The following PAK1 variants were observed in gnomAD, a reference collection of about 807,000 sequenced individuals.
PAK1 encodes the protein p21 (RAC1) activated kinase 1.
PAK1 carries 29 observed loss-of-function variants against 67.4 expected under a neutral mutation model. The ratio of observed to expected loss-of-function variants is 0.43; its 90% CI spans 0.32 to 0.59. PAK1 has a LOEUF of 0.59. Ranked by LOEUF, PAK1 falls within the 20% of genes least tolerant of loss-of-function variation. The pLI is 0.07. For synonymous variants in PAK1, 223 were observed against 237.4 expected, an observed-to-expected ratio of 0.94 and a Z score of 0.56; for missense variants, 337 against 670.7, an observed-to-expected ratio of 0.50 and a Z score of 5.50.
At chr11:77,475,407 T>A (rs758535927), upstream of PAK1, 1 of 152,194 alleles carries the variant, frequency 6.6e-6, no homozygotes, top group African/African-American at 2.4e-5. Flanking sequence ...AAAGCACAAA[T>A]CTGATGATGT....
At chr11:77,450,651 A>G (rs11237189) in intron 1 of PAK1, among the ~76,000 whole-genome samples, 37,048 of 152,188 alleles carry the variant, frequency 0.24, 5,587 homozygotes, top group South Asian at 0.45. Flanking sequence ...ATACATTGGC[A>G]TATCTACTGT....
At chr11:77,470,872 T>G (rs1371892021) in intron 1 of PAK1, among the ~76,000 whole-genome samples, 1 of 152,106 alleles carries the variant, frequency 6.6e-6, no homozygotes, top group Non-Finnish European at 1.5e-5. Context: ...AACAAAAGAC[T>G]AGGCTAAAAA....
chr11:77,528,787 T>C, the PAK1 span, among the ~76,000 whole-genome samples: 7 of 152,344 alleles, frequency 4.6e-5, no homozygotes, highest in Admixed American at 3.3e-4. Context: ...CCTTATGGTG[T>C]CAATTTGCAT....
chr11:77,340,013 G>C (rs543410692), intron 11 of PAK1, among the ~76,000 whole-genome samples: 39 of 152,260 alleles, frequency 2.6e-4, no homozygotes, highest in African/African-American at 8.7e-4. Flanking sequence ...GCTTTCTGGA[G>C]GGCTTTTCTT....
chr11:77,443,286 A>G (rs1055350642), intron 1 of PAK1, among the ~76,000 whole-genome samples: 10 of 150,922 alleles, frequency 6.6e-5, no homozygotes, highest in Non-Finnish European at 1.2e-4. Context: ...GCCTGGCAAC[A>G]GAGTGAGACT....
chr11:77,449,260 G>C (rs887653493), intron 1 of PAK1, among the ~76,000 whole-genome samples: 6 of 152,118 alleles, frequency 3.9e-5, no homozygotes, highest in African/African-American at 9.7e-5. Context: ...GGGAACACTA[G>C]CCCACACAGA....
intron 1 of PAK1, among the ~76,000 whole-genome samples, chr11:77,451,981 A>G (rs933475673): frequency 6.6e-6 from 1 of 152,200 alleles, no homozygotes; most frequent in African/African-American, 2.4e-5. Context: ...CTACATTTAT[A>G]TATATTAATG....
At chr11:77,489,748 G>A in the PAK1 span, among the ~76,000 whole-genome samples, 1 of 151,556 alleles carries the variant, frequency 6.6e-6, no homozygotes. Flanking sequence ...CGTTCACTCA[G>A]TGCTCAATGG....
intron 5 of PAK1, 151 bp from the exon 6 acceptor site, chr11:77,359,168 T>A (rs1485326757): frequency 4.5e-6 from 3 of 673,766 alleles, no homozygotes; most frequent in Admixed American, 2.8e-5. Context: ...GTAGCTAGTC[T>A]CAGAAGCTCA....
At chr11:77,480,409 T>A in the PAK1 span, among the ~76,000 whole-genome samples, 1 of 152,176 alleles carries the variant, frequency 6.6e-6, no homozygotes, top group African/African-American at 2.4e-5. Context: ...ATTTTCTGTA[T>A]TTTATTATTT....
At chr11:77,512,960 G>A in the PAK1 span, among the ~76,000 whole-genome samples, 1 of 152,098 alleles carries the variant, frequency 6.6e-6, no homozygotes, top group Non-Finnish European at 1.5e-5. Flanking sequence ...TGGACGTGGT[G>A]GCACACACCT....
intron 3 of PAK1, 25 bp from the exon 4 acceptor site, chr11:77,379,413 A>T: frequency 1.2e-6 from 2 of 1,600,608 alleles, no homozygotes; most frequent in Non-Finnish European, 8.5e-7. Flanking sequence ...TGCAAGACTA[A>T]CAGGAAGGCA....
chr11:77,337,281 C>A (rs186177227), intron 12 of PAK1, 43 bp downstream of exon 12: 24 of 1,006,068 alleles, frequency 2.4e-5, no homozygotes, highest in Non-Finnish European at 3.4e-5. Flanking sequence ...AGACAGGGCC[C>A]CACAGGCAGA....
At chr11:77,341,777 C>A (rs1356594674) in intron 10 of PAK1, among the ~76,000 whole-genome samples, 1 of 152,170 alleles carries the variant, frequency 6.6e-6, no homozygotes, top group East Asian at 1.9e-4. Flanking sequence ...GGGAATACTG[C>A]TGGACAGATG....
At chr11:77,520,630 C>G in the PAK1 span, among the ~76,000 whole-genome samples, 2 of 152,034 alleles carry the variant, frequency 1.3e-5, no homozygotes, top group Admixed American at 1.3e-4. Context: ...GAGGATGCAT[C>G]CGAGAGGAGT....
At chr11:77,422,548 C>T (rs1955324121) in intron 1 of PAK1, among the ~76,000 whole-genome samples, 2 of 119,530 alleles carry the variant, frequency 1.7e-5, no homozygotes, top group Middle Eastern at 3.3e-3. Context: ...GAGGGAGACA[C>T]CGTCTCAAAA....
chr11:77,501,021 G>A, the PAK1 span, among the ~76,000 whole-genome samples: 8 of 151,370 alleles, frequency 5.3e-5, no homozygotes, highest in African/African-American at 1.9e-4. Flanking sequence ...CGTGGTGGCA[G>A]GCGCCTGTAG....
chr11:77,379,171 G>C, intron 4 of PAK1, 70 bp downstream of exon 4: 1 of 1,257,978 alleles, frequency 7.9e-7, no homozygotes, highest in Non-Finnish European at 1.1e-6. Flanking sequence ...CAGACTAATA[G>C]GCATGTGAGC....
chr11:77,405,947 G>A (rs1318573749), intron 1 of PAK1, among the ~76,000 whole-genome samples: 1 of 152,134 alleles, frequency 6.6e-6, no homozygotes, highest in Non-Finnish European at 1.5e-5. Context: ...TATCTTGGCA[G>A]CATTAAACGC....
Sources: allele counts gnomAD v4.1 joint callset (sites outside exome capture counted in the v4.1 genomes callset), GRCh38; gene constraint gnomAD v4.1.1; transcripts MANE v1.5; gene names NCBI Gene and HGNC (gene_info 2026-07-23, HGNC 2026-07-21).